SMARCC2: variants seen among roughly 807,000 people sequenced by gnomAD.
SMARCC2 encodes SWI/SNF complex subunit SMARCC2.
In SMARCC2, 15 loss-of-function variants were observed where a neutral mutation model predicts 151.3. The ratio of observed to expected loss-of-function variants is 0.10; its 90% CI spans 0.07 to 0.15. SMARCC2 has a LOEUF of 0.15. Ranked by LOEUF, SMARCC2 falls within the 10% of genes least tolerant of loss-of-function variation. The pLI is 1.00. For synonymous variants in SMARCC2, 590 were observed against 609.5 expected, an observed-to-expected ratio of 0.97 and a Z score of 0.47; for missense variants, 1,031 against 1,599.7, an observed-to-expected ratio of 0.64 and a Z score of 6.06.
rs779421079 is a variant in SMARCC2, at chr12:56,178,816, C to T, written c.1173G>A (p.Thr391=). Residue 391 remains threonine (T), a synonymous_variant, in exon 13 of 29, where the codon ACG becomes ACA. Coordinates refer to ENST00000550164, the MANE Select transcript of SMARCC2 (RefSeq NM_001330288.2). ...DEQEDESMET[T]GKDEDENSTG... ...CTCTCTAAACTGGCTCCACCTTGCC[C>T]GTCGTCTCCATGCTTTCATCTTCCT... is the stretch of plus-strand genomic sequence containing the variant. 5.0e-6 allele frequency: 8 copies of T among 1,613,986 alleles called. No homozygotes were observed. Among genetic ancestry groups the T allele is most frequent in the South Asian group, 1.1e-5 (1 of 91,080 alleles).
At chr12:56,177,915 A>C in intron 15 of SMARCC2, 107 bp downstream of exon 15, 1 of 794,758 alleles carries the variant, frequency 1.3e-6, no homozygotes, top group Non-Finnish European at 2.1e-6. Flanking sequence ...TGCCTGGCTC[A>C]TGGAAGATGC....
rs147106178 is a variant in SMARCC2, at chr12:56,179,435, T to C, written c.1082-379A>G. 4.2e-3 allele frequency among the ~76,000 whole-genome samples: 636 copies of C among 152,298 alleles called. 5 individuals are homozygous for C. The highest frequency in any genetic ancestry group is 0.014 in the African/African-American group (590 of 41,558). On this transcript the variant is annotated intron_variant, in intron 11 of 28. Coordinates refer to ENST00000550164, the MANE Select transcript of SMARCC2 (RefSeq NM_001330288.2). Reference sequence around the variant, plus strand: ...GATACTTTCCTCAACTGAATTCATATACATATGCTCAGGAGCAAACATAGA... The same window carrying C: ...GATACTTTCCTCAACTGAATTCATACACATATGCTCAGGAGCAAACATAGA...
chr12:56,166,744 C>T (rs1449083453), intron 26 of SMARCC2, among the ~76,000 whole-genome samples: 2 of 151,988 alleles, frequency 1.3e-5, no homozygotes, highest in Non-Finnish European at 2.9e-5. Context: ...CTCGCACCAC[C>T]ACGCCCGGCT....
chr12:56,187,346 G>A, intron 1 of SMARCC2, 40 bp from the exon 2 acceptor site: 5 of 1,594,712 alleles, frequency 3.1e-6, no homozygotes, highest in Non-Finnish European at 4.3e-6. Context: ...ATAGATCTCA[G>A]ATAAATTGTC....
At chr12:56,170,725 T>G (rs932910354) in intron 22 of SMARCC2, among the ~76,000 whole-genome samples, 4 of 99,814 alleles carry the variant, frequency 4.0e-5, no homozygotes, top group Non-Finnish European at 8.3e-5. Flanking sequence ...TTCACAAGAC[T>G]TTTTTTTTTT....
At chr12:56,173,970 C>G in intron 16 of SMARCC2, 121 bp from the exon 17 acceptor site, 1 of 842,968 alleles carries the variant, frequency 1.2e-6, no homozygotes, top group Non-Finnish European at 1.9e-6. Context: ...GCCTTTTCCT[C>G]TGTTCATTGT....
At position 56,185,398 on chromosome 12, in the gene SMARCC2, G is replaced by C. The variant is rs529175588; in HGVS notation, c.318-287C>G. The C allele has an allele frequency of 2.8e-4, 94 of 341,614 alleles. 1 individual carries two copies. Among genetic ancestry groups the C allele is most frequent in the South Asian group, 2.5e-3 (93 of 37,790 alleles). The allele number at this position is 341,614 out of a possible 1,614,324, so 21.2% of individuals were successfully genotyped here. A position where few individuals can be genotyped will look rare whatever the true frequency, so the allele number is the denominator to read the frequency against. On this transcript the variant is annotated intron_variant, in intron 3 of 28. Transcript: ENST00000550164. ...AGGTTTCACCATATTGGTCAAACTG[G>C]TCTTGAACTCCTGACCTCAGGTGAT...
intron 16 of SMARCC2, 83 bp from the exon 17 acceptor site, chr12:56,173,932 G>T: frequency 7.7e-7 from 1 of 1,303,682 alleles, no homozygotes; most frequent in Non-Finnish European, 1.1e-6. Flanking sequence ...GGTAGAAGGG[G>T]CATAAACCCC....
intron 7 of SMARCC2, among the ~76,000 whole-genome samples, chr12:56,182,450 G>A (rs890724907): frequency 2.0e-5 from 3 of 150,948 alleles, no homozygotes; most frequent in Admixed American, 6.6e-5. Context: ...TCAGCCTCCC[G>A]AGTAGCTGGG....
At chr12:56,178,341 C>T (rs1025663932) in intron 14 of SMARCC2, 63 bp downstream of exon 14, 12 of 1,580,484 alleles carry the variant, frequency 7.6e-6, no homozygotes, top group East Asian at 2.2e-5. Context: ...GGGAGAAGAA[C>T]AGCCTGTTGA....
rs1874623950 is a variant in SMARCC2, at chr12:56,174,825, A to G, written c.1383-61T>C. 18 of 1,112,822 alleles carry G rather than the reference A, an allele frequency of 1.6e-5. No individual in the cohort carries two copies. In the Admixed American group the frequency reaches 2.6e-4, roughly 16 times the overall value. 68.9% of individuals were successfully genotyped at this position (1,112,822 alleles called of 1,614,324 possible). Reference sequence around the variant, plus strand: ...AAATAAATGTTTGTTAAAGGGCTAAAGGAAAAAATGGTAAGAGAGCTAATG... The same window carrying G: ...AAATAAATGTTTGTTAAAGGGCTAAGGGAAAAAATGGTAAGAGAGCTAATG... On this transcript the variant is annotated intron_variant, in intron 15 of 28. Transcript: ENST00000550164.
chr12:56,166,443 G>A (rs756240842), intron 26 of SMARCC2, among the ~76,000 whole-genome samples: 55 of 152,078 alleles, frequency 3.6e-4, no homozygotes, highest in Non-Finnish European at 5.4e-4. Context: ...GAGCCACCGC[G>A]CCCGGCTGAT....
At chr12:56,170,447 C>T (rs891197923) in intron 22 of SMARCC2, among the ~76,000 whole-genome samples, 1 of 151,732 alleles carries the variant, frequency 6.6e-6, no homozygotes, top group Non-Finnish European at 1.5e-5. Flanking sequence ...TTTTTTGTGA[C>T]AGGGTCTCAC....
At chr12:56,188,685 C>G (rs1341861835) in intron 1 of SMARCC2, among the ~76,000 whole-genome samples, 1 of 152,152 alleles carries the variant, frequency 6.6e-6, no homozygotes, top group Non-Finnish European at 1.5e-5. Context: ...AGCTAGGTTG[C>G]AAGGTGACTT....
intron 2 of SMARCC2, 130 bp from the exon 3 acceptor site, chr12:56,186,370 G>A (rs1393928044): frequency 3.3e-6 from 2 of 611,624 alleles, no homozygotes; most frequent in Non-Finnish European, 5.6e-6. Context: ...TTTTTTTTGA[G>A]ATGGAGTTTC....
intron 11 of SMARCC2, 116 bp from the exon 12 acceptor site, chr12:56,179,172 T>C (rs770851759): frequency 7.4e-6 from 6 of 807,880 alleles, no homozygotes; most frequent in Admixed American, 2.2e-5. Flanking sequence ...TTGCAAAATA[T>C]AGTAATTCTC....
At position 56,164,790 on chromosome 12, in the gene SMARCC2, C is replaced by T. The variant is rs1012356197; in HGVS notation, c.3233-59G>A. ...GTATAAAATTTTGCTTAACAACTCACCTTTTCTATTTTTTTTTTAGACGGA... is the reference window on the plus strand; with the variant it reads ...GTATAAAATTTTGCTTAACAACTCATCTTTTCTATTTTTTTTTTAGACGGA... On this transcript the variant is annotated intron_variant, in intron 27 of 28. Transcript: ENST00000550164. 4.4e-6 allele frequency: 6 copies of T among 1,368,722 alleles called. No homozygotes were observed. In the African/African-American group the frequency reaches 7.4e-5, roughly 17 times the overall value. 84.8% of individuals were successfully genotyped at this position (1,368,722 alleles called of 1,614,324 possible).
chr12:56,188,641 C>T (rs1187338879), intron 1 of SMARCC2, among the ~76,000 whole-genome samples: 1 of 152,164 alleles, frequency 6.6e-6, no homozygotes, highest in Non-Finnish European at 1.5e-5. Context: ...GAAGCTCACC[C>T]TAACCTCTCG....
At chr12:56,189,240 C>G in intron 1 of SMARCC2, 111 bp downstream of exon 1, 1 of 435,026 alleles carries the variant, frequency 2.3e-6, no homozygotes, top group Non-Finnish European at 3.4e-6. Flanking sequence ...CTTGGGAGGC[C>G]GCGGGGGAGG....
Sources: allele counts gnomAD v4.1 joint callset (sites outside exome capture counted in the v4.1 genomes callset), GRCh38; gene constraint gnomAD v4.1.1; transcripts MANE v1.5; gene names NCBI Gene and HGNC (gene_info 2026-07-23, HGNC 2026-07-21).